The following FBXO34 variants were observed in gnomAD, a reference collection of about 807,000 sequenced individuals.
The protein encoded by FBXO34 is F-box protein 34.
FBXO34 carries 12 observed loss-of-function variants against 24.5 expected under a neutral mutation model. The ratio of observed to expected loss-of-function variants is 0.49; its 90% CI spans 0.31 to 0.79. The LOEUF (loss-of-function observed/expected upper bound fraction) is 0.79, where lower values mean the gene tolerates loss of function less well. Ranked by LOEUF, FBXO34 falls within the 30% of genes least tolerant of loss-of-function variation. FBXO34 has a pLI of 0.04. For missense variants in FBXO34, 823 were observed against 857.7 expected (o/e 0.96, Z 0.51); for synonymous variants, 320 against 311.9 (o/e 1.03, Z -0.27).
the FBXO34 span, chr14:55,394,999 T>C: frequency 2.2e-6 from 1 of 456,544 alleles, no homozygotes; most frequent in South Asian, 1.6e-5. Flanking sequence ...TTTTAGTTTC[T>C]TGTTTTCTGC....
chr14:55,314,278 T>C (rs1022240768), intron 1 of FBXO34, among the ~76,000 whole-genome samples: 1 of 152,160 alleles, frequency 6.6e-6, no homozygotes. Flanking sequence ...TGTTACCACC[T>C]TAGGGCACAT....
chr14:55,404,860 G>C, the FBXO34 span, among the ~76,000 whole-genome samples: 2 of 152,172 alleles, frequency 1.3e-5, no homozygotes, highest in Non-Finnish European at 2.9e-5. Context: ...CCAGGAGTAA[G>C]TCAGCCACAA....
chr14:55,343,485 G>A (rs960250566), intron 1 of FBXO34, among the ~76,000 whole-genome samples: 6 of 151,950 alleles, frequency 3.9e-5, no homozygotes, highest in African/African-American at 7.3e-5. Context: ...TCCTGACCTC[G>A]TGATCTGCCT....
At chr14:55,375,788 C>G in the FBXO34 span, among the ~76,000 whole-genome samples, 3 of 152,152 alleles carry the variant, frequency 2.0e-5, no homozygotes, top group Non-Finnish European at 2.9e-5. Context: ...CTTGGCAAGG[C>G]CTTCAGAGCT....
At chr14:55,332,933 C>T (rs1274518027) in intron 1 of FBXO34, among the ~76,000 whole-genome samples, 1 of 152,162 alleles carries the variant, frequency 6.6e-6, no homozygotes, top group African/African-American at 2.4e-5. Flanking sequence ...GGCGCATTAG[C>T]CCCAAGATGC....
At chr14:55,333,905 T>C (rs1883683657) in intron 1 of FBXO34, among the ~76,000 whole-genome samples, 1 of 152,150 alleles carries the variant, frequency 6.6e-6, no homozygotes, top group Non-Finnish European at 1.5e-5. Context: ...CATAGCTGAA[T>C]GCCTGCGTGT....
the FBXO34 span, among the ~76,000 whole-genome samples, chr14:55,393,188 T>C: frequency 3.9e-5 from 6 of 152,044 alleles, no homozygotes; most frequent in South Asian, 2.1e-4. Context: ...GAGACCATCC[T>C]GGCTAACACG....
chr14:55,338,048 C>CTTCTTTTTTTTTTTTTTTTT (rs1883846252), intron 1 of FBXO34, among the ~76,000 whole-genome samples: 1 of 88,266 alleles, frequency 1.1e-5, no homozygotes, highest in Non-Finnish European at 2.1e-5. Context: ...GTATGTACTT[C>CTTCTTTTTTTTTTTTTTTTT]TTTTTTTTTT....
chr14:55,423,588 A>C, the FBXO34 span, among the ~76,000 whole-genome samples: 1 of 152,248 alleles, frequency 6.6e-6, no homozygotes, highest in Non-Finnish European at 1.5e-5. Flanking sequence ...TGATTTTGTT[A>C]GCCTATGAGC....
chr14:55,311,602 G>A (rs191790432), intron 1 of FBXO34, among the ~76,000 whole-genome samples: 154 of 152,270 alleles, frequency 1.0e-3, no homozygotes, highest in Non-Finnish European at 1.8e-3. Flanking sequence ...AGATACAGTG[G>A]ATCGGATACA....
chr14:55,311,676 C>T (rs1253406447), intron 1 of FBXO34, among the ~76,000 whole-genome samples: 1 of 152,082 alleles, frequency 6.6e-6, no homozygotes, highest in Non-Finnish European at 1.5e-5. Context: ...GCCTGCAGGT[C>T]CCATGTAAGT....
the FBXO34 span, among the ~76,000 whole-genome samples, chr14:55,440,098 AAATCAATCAATC>A: frequency 1.3e-5 from 2 of 151,238 alleles, no homozygotes; most frequent in Non-Finnish European, 3.0e-5. Context: ...TCTCAGAGAA[AAATCAATCAATC>A]AATCAATCAA....
the FBXO34 span, among the ~76,000 whole-genome samples, chr14:55,401,401 T>TTTG: frequency 1.3e-5 from 2 of 152,164 alleles, no homozygotes; most frequent in East Asian, 1.9e-4. Flanking sequence ...CATACATCTT[T>TTTG]TTGTTGTTGT....
chr14:55,433,844 T>A, the FBXO34 span: 1 of 750,774 alleles, frequency 1.3e-6, no homozygotes, highest in Non-Finnish European at 2.1e-6. Flanking sequence ...TGTCTGGGTC[T>A]TTTCTCCCTA....
the FBXO34 span, among the ~76,000 whole-genome samples, chr14:55,427,263 T>C: frequency 6.6e-6 from 1 of 151,088 alleles, no homozygotes; most frequent in Non-Finnish European, 1.5e-5. Context: ...GGGGTATATT[T>C]AGGCATTCAA....
chr14:55,420,403 T>A, the FBXO34 span, among the ~76,000 whole-genome samples: 1 of 152,166 alleles, frequency 6.6e-6, no homozygotes, highest in African/African-American at 2.4e-5. Context: ...CAGGATTAAG[T>A]AATAAGGAAC....
At chr14:55,360,989 T>A (rs1369642409) in intron 3 of FBXO34, among the ~76,000 whole-genome samples, 1 of 151,416 alleles carries the variant, frequency 6.6e-6, no homozygotes, top group Non-Finnish European at 1.5e-5. Context: ...TAGAGTGAGA[T>A]CCTGTCTCAA....
At chr14:55,439,748 G>A in the FBXO34 span, among the ~76,000 whole-genome samples, 2 of 151,752 alleles carry the variant, frequency 1.3e-5, no homozygotes, top group Non-Finnish European at 2.9e-5. Flanking sequence ...GGCTAACACG[G>A]TGAAACACTG....
At chr14:55,329,953 GTGTTCCTC>G (rs1168536455) in intron 1 of FBXO34, among the ~76,000 whole-genome samples, 1 of 151,506 alleles carries the variant, frequency 6.6e-6, no homozygotes, top group Non-Finnish European at 1.5e-5. Flanking sequence ...TCTACTACTG[GTGTTCCTC>G]TTCCTCCTTT....
Sources: allele counts gnomAD v4.1 joint callset (sites outside exome capture counted in the v4.1 genomes callset), GRCh38; gene constraint gnomAD v4.1.1; transcripts MANE v1.5; gene names NCBI Gene and HGNC (gene_info 2026-07-23, HGNC 2026-07-21).